Variants in PID1 observed in about 807,000 individuals in gnomAD.
PID1 encodes the protein phosphotyrosine interaction domain containing 1.
Under a neutral mutation model 19.1 loss-of-function variants are expected in PID1, and 10 were observed. The observed-to-expected ratio is 0.52, with a 90% confidence interval of 0.32 to 0.89. The LOEUF (loss-of-function observed/expected upper bound fraction) is 0.89. Ranked by LOEUF, PID1 falls within the 40% of genes least tolerant of loss-of-function variation. PID1 has a pLI of 0.03. For synonymous variants in PID1, 130 were observed against 116.0 expected (o/e 1.12, Z -0.78); for missense variants, 248 against 285.3 (o/e 0.87, Z 0.94).
chr2:229,092,834 T>C (rs1275651158), intron 2 of PID1, among the ~76,000 whole-genome samples: 4 of 152,204 alleles, frequency 2.6e-5, no homozygotes, highest in Non-Finnish European at 5.9e-5. Context: ...TTTGTCCGTA[T>C]ACCTCTCTCA....
intron 1 of PID1, among the ~76,000 whole-genome samples, chr2:229,220,016 T>C (rs1447944477): frequency 2.6e-5 from 4 of 151,880 alleles, no homozygotes; most frequent in African/African-American, 9.7e-5. Flanking sequence ...TCCTTTTGTT[T>C]TGGGGACTCT....
chr2:229,153,111 G>A (rs987419560), intron 2 of PID1, among the ~76,000 whole-genome samples: 1 of 152,238 alleles, frequency 6.6e-6, no homozygotes, highest in African/African-American at 2.4e-5. Flanking sequence ...AAAAATTGGG[G>A]AAGATCTAAA....
intron 2 of PID1, among the ~76,000 whole-genome samples, chr2:229,132,236 A>C (rs115447145): frequency 4.0e-4 from 61 of 152,342 alleles, no homozygotes; most frequent in African/African-American, 1.4e-3. Flanking sequence ...CATGGCTCCA[A>C]TGAGCTTCTG....
At chr2:229,031,935 AT>A (rs1162480934) in intron 2 of PID1, among the ~76,000 whole-genome samples, 1 of 152,350 alleles carries the variant, frequency 6.6e-6, no homozygotes, top group East Asian at 1.9e-4. Context: ...GAAAAACACT[AT>A]TCAGACCTTT....
At chr2:229,098,593 G>A (rs974043861) in intron 2 of PID1, among the ~76,000 whole-genome samples, 3 of 152,060 alleles carry the variant, frequency 2.0e-5, no homozygotes, top group African/African-American at 4.8e-5. Flanking sequence ...GGCTGGGGGG[G>A]AAGAAATTAG....
chr2:229,033,283 G>A (rs950316864), intron 2 of PID1, among the ~76,000 whole-genome samples: 2 of 152,160 alleles, frequency 1.3e-5, no homozygotes, highest in African/African-American at 4.8e-5. Flanking sequence ...GGAGTTCTTC[G>A]ACTTTCCAAG....
intron 1 of PID1, among the ~76,000 whole-genome samples, chr2:229,198,135 T>C (rs1057363129): frequency 2.0e-5 from 3 of 152,044 alleles, no homozygotes; most frequent in Non-Finnish European, 4.4e-5. Context: ...CAAATATTTT[T>C]CTGGAAACTA....
rs921855056 is a variant in PID1, at chr2:229,037,261, A to G, written c.178-11153T>C. ...ATTAGGAAATCTATTTTTATTATAG[A>G]AATATATACCACGGAGGAAAAAGCA... On this transcript the variant is annotated intron_variant, in intron 2 of 2. Transcript: ENST00000392055. Among the ~76,000 whole-genome samples the G allele has an allele frequency of 4.4e-4, 67 of 152,324 alleles. 1 individual carries two copies. In the Middle Eastern group the frequency reaches 0.01, roughly 23 times the overall value.
At chr2:229,040,018 C>T (rs1278605521) in intron 2 of PID1, among the ~76,000 whole-genome samples, 2 of 150,674 alleles carry the variant, frequency 1.3e-5, no homozygotes, top group African/African-American at 4.9e-5. Context: ...CAGTTGAATA[C>T]ATTACAGTAA....
At chr2:229,052,828 G>A (rs1294030002) in intron 2 of PID1, among the ~76,000 whole-genome samples, 3 of 152,156 alleles carry the variant, frequency 2.0e-5, no homozygotes, top group Admixed American at 6.5e-5. Context: ...ATTGATAGTG[G>A]ACCAAGAATA....
At chr2:229,212,780 C>T (rs1040156925) in intron 1 of PID1, among the ~76,000 whole-genome samples, 3 of 151,970 alleles carry the variant, frequency 2.0e-5, no homozygotes, top group East Asian at 1.9e-4. Context: ...ATTGAGGATT[C>T]GTTACTGAAC....
At chr2:229,257,668 T>C (rs774551498) in intron 1 of PID1, among the ~76,000 whole-genome samples, 24 of 152,206 alleles carry the variant, frequency 1.6e-4, no homozygotes, top group Non-Finnish European at 1.0e-4. Flanking sequence ...TTATATTCCT[T>C]ACCCTTGACC....
chr2:229,048,248 A>G (rs1693922338), intron 2 of PID1, among the ~76,000 whole-genome samples: 1 of 152,070 alleles, frequency 6.6e-6, no homozygotes, highest in Non-Finnish European at 1.5e-5. Flanking sequence ...ACCCCCTTTA[A>G]AGCAGCACTG....
chr2:229,075,089 C>A lies in PID1; in HGVS notation c.178-48981G>T, dbSNP rs747957296. ...TCACCTAGCCTACCATAAATGTGCT[C>A]AGAACACTTGCATTAGTTTACAGTT... On this transcript the variant is annotated intron_variant, in intron 2 of 2. Transcript: ENST00000392055. 6.5e-4 allele frequency among the ~76,000 whole-genome samples: 99 copies of A among 152,294 alleles called. 1 individual carries two copies. The highest frequency in any genetic ancestry group is 1.1e-3 in the Non-Finnish European group (77 of 68,030).
Position 229,254,608 on chromosome 2 carries a change from A to G in PID1, c.30+16406T>C, listed in dbSNP as rs144658418. On this transcript the variant is annotated intron_variant, in intron 1 of 2. Coordinates refer to ENST00000392055, the MANE Select transcript of PID1 (RefSeq NM_001100818.2). ...CCTAAAAGTTTTAGGCCGAGTTATG[A>G]CCTTGGTTATAATTCTAGTCTAGGT... Among the ~76,000 whole-genome samples the G allele has an allele frequency of 2.5e-3, 377 of 152,310 alleles. 3 individuals are homozygous for G. The highest frequency in any genetic ancestry group is 6.8e-3 in the Middle Eastern group (2 of 294).
chr2:229,250,238 C>T (rs1690114572), intron 1 of PID1, among the ~76,000 whole-genome samples: 1 of 152,148 alleles, frequency 6.6e-6, no homozygotes, highest in Admixed American at 6.5e-5. Flanking sequence ...AGCATCTGTC[C>T]AAACAAACAT....
chr2:229,176,205 A>C (rs1690820177), intron 1 of PID1, among the ~76,000 whole-genome samples: 2 of 152,208 alleles, frequency 1.3e-5, no homozygotes, highest in Non-Finnish European at 2.9e-5. Context: ...AGCAAATTGA[A>C]TTATAAACAA....
chr2:229,253,601 A>G (rs1008519026), intron 1 of PID1, among the ~76,000 whole-genome samples: 5 of 152,046 alleles, frequency 3.3e-5, no homozygotes, highest in African/African-American at 7.3e-5. Flanking sequence ...CAAAAAAAAA[A>G]AAAAAAAAAT....
intron 2 of PID1, among the ~76,000 whole-genome samples, chr2:229,062,480 T>C (rs753338870): frequency 2.0e-5 from 3 of 151,974 alleles, no homozygotes; most frequent in Admixed American, 6.6e-5. Context: ...TTTAATGCAC[T>C]GGTGAATTCC....
Sources: allele counts gnomAD v4.1 joint callset (sites outside exome capture counted in the v4.1 genomes callset), GRCh38; gene constraint gnomAD v4.1.1; transcripts MANE v1.5; gene names NCBI Gene and HGNC (gene_info 2026-07-23, HGNC 2026-07-21).